Variants in NALF1 observed in about 807,000 individuals in gnomAD.
NALF1 encodes family with sequence similarity 155 member A.
Under a neutral mutation model 48.4 loss-of-function variants are expected in NALF1, and 3 were observed. The ratio of observed to expected loss-of-function variants is 0.06; its 90% CI spans 0.03 to 0.16. NALF1 has a LOEUF of 0.16. NALF1 is among the 10% of genes least tolerant of loss of function. NALF1 has a pLI of 1.00. For missense variants in NALF1, 526 were observed against 571.5 expected (o/e 0.92, Z 0.81); for synonymous variants, 262 against 245.7 (o/e 1.07, Z -0.62).
intron 1 of NALF1, among the ~76,000 whole-genome samples, chr13:107,502,904 A>G (rs1875567495): frequency 6.6e-6 from 1 of 152,206 alleles, no homozygotes; most frequent in African/African-American, 2.4e-5. Context: ...ATGGCCATCA[A>G]AGAGTGACAG....
At chr13:107,722,025 C>G (rs1038488690) in intron 1 of NALF1, among the ~76,000 whole-genome samples, 1 of 152,020 alleles carries the variant, frequency 6.6e-6, no homozygotes, top group Admixed American at 6.5e-5. Context: ...TAACTTAAGA[C>G]AAAGCATTCA....
chr13:107,220,023 G>C (rs1340376199), intron 1 of NALF1, among the ~76,000 whole-genome samples: 1 of 152,096 alleles, frequency 6.6e-6, no homozygotes, highest in African/African-American at 2.4e-5. Flanking sequence ...TGTGTACCAA[G>C]AGTGCATGAT....
intron 1 of NALF1, among the ~76,000 whole-genome samples, chr13:107,680,517 GGTGT>G (rs1444910959): frequency 6.6e-6 from 1 of 151,812 alleles, no homozygotes; most frequent in African/African-American, 2.4e-5. Flanking sequence ...CACGAGTGAG[GGTGT>G]GTGAGGAGTG....
chr13:107,717,869 C>T (rs999848211), intron 1 of NALF1, among the ~76,000 whole-genome samples: 4 of 152,108 alleles, frequency 2.6e-5, no homozygotes, highest in Non-Finnish European at 4.4e-5. Flanking sequence ...TCTAGATCTG[C>T]TTCAACTTTT....
chr13:107,704,100 C>A (rs1881890454), intron 1 of NALF1, among the ~76,000 whole-genome samples: 1 of 152,128 alleles, frequency 6.6e-6, no homozygotes, highest in East Asian at 1.9e-4. Context: ...GTAAACCAAT[C>A]TGATTAATTT....
At position 107,866,228 on chromosome 13, in the gene NALF1, G is replaced by C. The variant is rs1157494934; in HGVS notation, c.369C>G (p.Leu123=). 5 of 1,595,714 alleles carry C rather than the reference G, an allele frequency of 3.1e-6. No homozygotes were observed. Among genetic ancestry groups the C allele is most frequent in the Non-Finnish European group, 3.4e-6 (4 of 1,172,270 alleles). Residue 123 remains leucine (L), a synonymous_variant, in exon 1 of 3, where the codon CTC becomes CTG. Transcript: ENST00000375915. This position sits in a 1 kb window ranked among gnomAD's most constrained non-coding sequence, Gnocchi z 4.4. ...SSPAAQAHRL[L]SASSSPTLPP... Reference sequence around the variant, plus strand: ...GCAGGGTGGGGGACGAGGAGGCGGAGAGGAGTCTGTGTGCCTGGGCGGCGG... The same window carrying C: ...GCAGGGTGGGGGACGAGGAGGCGGACAGGAGTCTGTGTGCCTGGGCGGCGG...
chr13:107,202,110 G>A (rs904326106), intron 2 of NALF1, among the ~76,000 whole-genome samples: 1 of 151,996 alleles, frequency 6.6e-6, no homozygotes, highest in Non-Finnish European at 1.5e-5. Flanking sequence ...TTATTTTCAA[G>A]TTTTCTTCTT....
chr13:107,437,868 G>C (rs1237688207), intron 1 of NALF1, among the ~76,000 whole-genome samples: 1 of 152,138 alleles, frequency 6.6e-6, no homozygotes, highest in Non-Finnish European at 1.5e-5. Context: ...AACAGAAAGG[G>C]AGAGAGAGCA....
intron 2 of NALF1, among the ~76,000 whole-genome samples, chr13:107,186,588 G>T (rs867581373): frequency 2.4e-4 from 37 of 152,174 alleles, no homozygotes; most frequent in South Asian, 1.0e-3. Context: ...GGATGGTCTC[G>T]ATCTCCTGAC....
chr13:107,348,823 G>A (rs4771572), intron 1 of NALF1, among the ~76,000 whole-genome samples: 118,233 of 152,190 alleles, frequency 0.78, 46,405 homozygotes, highest in Non-Finnish European at 0.82. Context: ...AAGAATAAGA[G>A]TCACTGAAAG....
At chr13:107,444,886 C>A (rs1253438265) in intron 1 of NALF1, among the ~76,000 whole-genome samples, 1 of 152,150 alleles carries the variant, frequency 6.6e-6, no homozygotes, top group Non-Finnish European at 1.5e-5. Context: ...CCCAATCTTA[C>A]TTCATCTACT....
chr13:107,584,097 C>T (rs1878386526), intron 1 of NALF1, among the ~76,000 whole-genome samples: 1 of 152,030 alleles, frequency 6.6e-6, no homozygotes, highest in South Asian at 2.1e-4. Context: ...TATGGAAAAT[C>T]GTTTAAAAAT....
intron 1 of NALF1, among the ~76,000 whole-genome samples, chr13:107,638,424 G>C (rs1426437994): frequency 6.6e-6 from 1 of 151,902 alleles, no homozygotes; most frequent in Non-Finnish European, 1.5e-5. Flanking sequence ...CATTCAACAA[G>C]TATTTATTGC....
chr13:107,442,538 C>T (rs1222301367), intron 1 of NALF1, among the ~76,000 whole-genome samples: 1 of 151,980 alleles, frequency 6.6e-6, no homozygotes, highest in Non-Finnish European at 1.5e-5. Context: ...GAAGTTGATG[C>T]CTGAGACGAG....
chr13:107,807,517 C>G (rs1449152974), intron 1 of NALF1, among the ~76,000 whole-genome samples: 5 of 152,174 alleles, frequency 3.3e-5, no homozygotes, highest in Non-Finnish European at 5.9e-5. Flanking sequence ...CCAAGAAGCA[C>G]TTGTAGATTT....
At chr13:107,472,541 T>A (rs897632072) in intron 1 of NALF1, among the ~76,000 whole-genome samples, 5 of 152,102 alleles carry the variant, frequency 3.3e-5, no homozygotes, top group Admixed American at 2.6e-4. Context: ...TCTAATCAGC[T>A]GCCAGTGTGG....
intron 1 of NALF1, among the ~76,000 whole-genome samples, chr13:107,426,358 A>G (rs998709906): frequency 6.6e-6 from 1 of 152,186 alleles, no homozygotes; most frequent in African/African-American, 2.4e-5. Flanking sequence ...CAGCGCCAAG[A>G]GAACAGGCGT....
chr13:107,615,588 G>A (rs1368919922), intron 1 of NALF1, among the ~76,000 whole-genome samples: 1 of 152,148 alleles, frequency 6.6e-6, no homozygotes, highest in South Asian at 2.1e-4. Flanking sequence ...GGAGTGTGTG[G>A]ATCCCATAGG....
intron 1 of NALF1, among the ~76,000 whole-genome samples, chr13:107,684,816 A>T (rs1881394239): frequency 6.6e-6 from 1 of 152,222 alleles, no homozygotes; most frequent in African/African-American, 2.4e-5. Flanking sequence ...AAAGTTCCTA[A>T]TTAAAATAAC....
Sources: allele counts gnomAD v4.1 joint callset (sites outside exome capture counted in the v4.1 genomes callset), GRCh38; gene constraint gnomAD v4.1.1; non-coding constraint Gnocchi (gnomAD v3.1); transcripts MANE v1.5; gene names NCBI Gene and HGNC (gene_info 2026-07-23, HGNC 2026-07-21).